Variants in SORCS1 observed in about 807,000 individuals in gnomAD.
The protein encoded by SORCS1 is sortilin related VPS10 domain containing receptor 1.
SORCS1 carries 60 observed loss-of-function variants against 146.1 expected under a neutral mutation model. The observed-to-expected ratio is 0.41, with a 90% confidence interval of 0.33 to 0.51. SORCS1 has a LOEUF of 0.51. Among genes scored for constraint, SORCS1 ranks in the 20% least tolerant of loss-of-function variants. SORCS1 has a pLI of 0.21. For synonymous variants in SORCS1, 637 were observed against 584.0 expected (o/e 1.09, Z -1.31); for missense variants, 1,352 against 1,487.6 (o/e 0.91, Z 1.50).
In SORCS1 at chr10:106,831,763, G is replaced by A. The variant is rs985000367; in HGVS notation, c.627-2090C>T. Reference sequence around the variant, plus strand: ...ATACATAGATGGCAAACAGAAAACGGTCAACACTTCAGAGGATTTAGATGC... The same window carrying A: ...ATACATAGATGGCAAACAGAAAACGATCAACACTTCAGAGGATTTAGATGC... On this transcript the variant is annotated intron_variant, in intron 2 of 25. Transcript: ENST00000263054. Among the ~76,000 whole-genome samples, 21 of 152,088 alleles carry A rather than the reference G, an allele frequency of 1.4e-4. 1 individual carries two copies. The highest frequency in any genetic ancestry group is 3.1e-4 in the Non-Finnish European group (21 of 68,028).
intron 2 of SORCS1, among the ~76,000 whole-genome samples, chr10:106,928,053 C>T (rs981473221): frequency 6.6e-6 from 1 of 152,252 alleles, no homozygotes; most frequent in Non-Finnish European, 1.5e-5. Context: ...CCCAGTGGAT[C>T]CCGCACCGGC....
chr10:106,944,275 C>T (rs1182778750), intron 2 of SORCS1, among the ~76,000 whole-genome samples: 1 of 152,206 alleles, frequency 6.6e-6, no homozygotes, highest in East Asian at 1.9e-4. Context: ...TGTCAGAATA[C>T]TTAGCACAGA....
chr10:107,174,131 G>T, the SORCS1 span, among the ~76,000 whole-genome samples: 93 of 152,126 alleles, frequency 6.1e-4, no homozygotes, highest in African/African-American at 2.1e-3. Context: ...TTATTTTTCT[G>T]CATTTATTTT....
intron 2 of SORCS1, among the ~76,000 whole-genome samples, chr10:106,854,719 A>C (rs543319669): frequency 2.8e-4 from 42 of 152,198 alleles, no homozygotes; most frequent in Middle Eastern, 3.4e-3. Context: ...CTTCATGGGG[A>C]GTGCAGGCAC....
At chr10:106,784,110 C>A (rs12243006) in intron 3 of SORCS1, among the ~76,000 whole-genome samples, 43,617 of 151,952 alleles carry the variant, frequency 0.29, 6,455 homozygotes, top group Non-Finnish European at 0.31. Flanking sequence ...AAAACTAAAC[C>A]TGGGGCCGGG....
intron 5 of SORCS1, among the ~76,000 whole-genome samples, chr10:106,737,665 C>A (rs887515243): frequency 6.6e-6 from 1 of 152,066 alleles, no homozygotes; most frequent in African/African-American, 2.4e-5. Context: ...GCAGGGGTTG[C>A]AGTGAGCCGA....
chr10:106,785,674 C>T (rs1177298021), intron 3 of SORCS1, among the ~76,000 whole-genome samples: 1 of 152,150 alleles, frequency 6.6e-6, no homozygotes, highest in Non-Finnish European at 1.5e-5. Flanking sequence ...TGAGACCTTG[C>T]TAATGTATTT....
chr10:106,671,972 G>A (rs1019868102), intron 15 of SORCS1, among the ~76,000 whole-genome samples: 2 of 152,146 alleles, frequency 1.3e-5, no homozygotes, highest in Admixed American at 6.5e-5. Flanking sequence ...GTAAATGAAC[G>A]ATTCTATTGT....
intron 8 of SORCS1, among the ~76,000 whole-genome samples, chr10:106,702,464 C>T (rs1013311922): frequency 2.9e-4 from 44 of 152,188 alleles, no homozygotes; most frequent in African/African-American, 9.4e-4. Context: ...GAGTAAAGTG[C>T]ATCACCTATA....
chr10:106,894,270 CGTGTGTGTGTGTGTGTGTGT>C (rs3982431), intron 2 of SORCS1, among the ~76,000 whole-genome samples: 4 of 141,456 alleles, frequency 2.8e-5, no homozygotes, highest in South Asian at 4.6e-4. Flanking sequence ...CGCACGTGTG[CGTGTGTGTGTGTGTGTGTGT>C]GTGTGTGTGT....
chr10:106,989,687 T>TG lies in SORCS1; in HGVS notation c.559-33108_559-33107insC, dbSNP rs1293258432. Reference sequence around the variant, plus strand: ...TTTTTTCTGTTTTTTTTTGTTTTTTTTTTTTTTTTTTTTTTCTGAGATGGA... The same window carrying TG: ...TTTTTTCTGTTTTTTTTTGTTTTTTTGTTTTTTTTTTTTTTTCTGAGATGGA... On this transcript the variant is annotated intron_variant, in intron 1 of 25. Transcript: ENST00000263054. 2.7e-3 allele frequency among the ~76,000 whole-genome samples: 375 copies of TG among 137,256 alleles called. 7 individuals carry two copies. The highest frequency in any genetic ancestry group is 6.7e-3 in the South Asian group (29 of 4,324). 90.0% of individuals were successfully genotyped at this position (137,256 alleles called of 152,430 possible). A position where few individuals can be genotyped will look rare whatever the true frequency, so the allele number is the denominator to read the frequency against.
chr10:106,744,288 G>T (rs942463858), intron 5 of SORCS1, among the ~76,000 whole-genome samples: 1 of 152,072 alleles, frequency 6.6e-6, no homozygotes, highest in Non-Finnish European at 1.5e-5. Context: ...TGTAGTTTTA[G>T]TAGAGACGGG....
intron 10 of SORCS1, among the ~76,000 whole-genome samples, chr10:106,683,042 T>C (rs1013006945): frequency 6.6e-6 from 1 of 152,164 alleles, no homozygotes; most frequent in Non-Finnish European, 1.5e-5. Context: ...AGGTACAAAG[T>C]TTGGGGATCT....
chr10:106,625,098 T>C (rs2133542148), intron 19 of SORCS1, among the ~76,000 whole-genome samples: 1 of 152,228 alleles, frequency 6.6e-6, no homozygotes, highest in African/African-American at 2.4e-5. Context: ...TTGAGAGAAA[T>C]GGGGAATTGT....
chr10:106,718,862 C>T (rs1855578276), intron 6 of SORCS1, among the ~76,000 whole-genome samples: 1 of 151,484 alleles, frequency 6.6e-6, no homozygotes, highest in Admixed American at 6.6e-5. Flanking sequence ...CTGATGGGTG[C>T]GTTTTTACAG....
At chr10:106,963,974 T>C (rs1955380618) in intron 1 of SORCS1, among the ~76,000 whole-genome samples, 1 of 152,106 alleles carries the variant, frequency 6.6e-6, no homozygotes, top group South Asian at 2.1e-4. Flanking sequence ...AAGGAGCAAG[T>C]AAGAGAGATG....
chr10:106,956,124 C>T (rs1028842928), intron 2 of SORCS1, among the ~76,000 whole-genome samples: 19 of 148,940 alleles, frequency 1.3e-4, no homozygotes, highest in South Asian at 6.3e-4. Context: ...ACCAAAACTC[C>T]GTCTCAAAAA....
At chr10:106,880,962 C>T (rs961631297) in intron 2 of SORCS1, among the ~76,000 whole-genome samples, 2 of 150,968 alleles carry the variant, frequency 1.3e-5, no homozygotes, top group Non-Finnish European at 1.5e-5. Context: ...TGGTGGCAGG[C>T]GCCTGTAGTC....
intron 1 of SORCS1, among the ~76,000 whole-genome samples, chr10:107,041,189 A>G (rs1959139032): frequency 6.6e-6 from 1 of 152,180 alleles, no homozygotes; most frequent in Non-Finnish European, 1.5e-5. Context: ...TTTAGGGAAA[A>G]AACAGTAAAA....
Sources: gnomAD v4.1 joint callset for allele counts (sites outside exome capture counted in the v4.1 genomes callset) on GRCh38, gnomAD v4.1.1 for gene constraint, MANE v1.5 for transcripts, NCBI Gene and HGNC (gene_info 2026-07-23, HGNC 2026-07-21) for gene names.